The following KDM5B variants were observed in gnomAD, a reference collection of about 807,000 sequenced individuals.
KDM5B encodes the protein lysine-specific demethylase 5B.
A neutral mutation model predicts 193.4 loss-of-function variants in KDM5B; 144 were observed. The observed-to-expected ratio is 0.74, with a 90% CI of 0.65 to 0.86. The LOEUF (loss-of-function observed/expected upper bound fraction) is 0.86, where lower values mean the gene tolerates loss of function less well. Ranked by LOEUF, KDM5B falls within the 40% of genes least tolerant of loss-of-function variation. KDM5B has a pLI of 0.00. For missense variants in KDM5B, 1,833 were observed against 1,886.9 expected (o/e 0.97, Z 0.53); for synonymous variants, 668 against 682.6 (o/e 0.98, Z 0.33).
intron 2 of KDM5B, chr1:202,776,073 T>C (rs929970152): frequency 3.4e-4 from 51 of 150,314 alleles, no homozygotes; most frequent in African/African-American, 1.2e-3. Flanking sequence ...CTACTAAAAA[T>C]ACCAAAATTA....
At chr1:202,741,829 T>A (rs1655355326) in intron 18 of KDM5B, 107 bp from the exon 19 acceptor site, 1 of 655,070 alleles carries the variant, frequency 1.5e-6, no homozygotes, top group African/African-American at 1.8e-5. Context: ...CATTTAATTT[T>A]AGTAATAATA....
intron 1 of KDM5B, among the ~76,000 whole-genome samples, chr1:202,788,265 C>CT (rs1188350946): frequency 2.6e-5 from 4 of 152,132 alleles, no homozygotes; most frequent in Non-Finnish European, 4.4e-5. Context: ...ATCATGTAGA[C>CT]TTTTAATAGT....
chr1:202,741,632 G>C lies in KDM5B; in HGVS notation c.2680C>G (p.Leu894Val), dbSNP rs753621010. The change falls in exon 19 of 27, where the codon CTA becomes GTA. Residue 894 changes from leucine to valine, a missense_variant. Physicochemically the swap from Leu to Val is conservative, Grantham distance 32. Transcript: ENST00000367265. ...TPSAAELQDL[L>V]DVSFEFDVEL... is the part of the protein sequence containing the mutation. ...ACATCAAATTCAAAGCTGACATCTA[G>C]CAAGTCCTGCAGCTCCGCAGCACTA... is the stretch of plus-strand genomic sequence containing the variant. 36 of 1,613,992 alleles carry C rather than the reference G, an allele frequency of 2.2e-5. No individual in the cohort carries two copies. The Admixed American group carries it at 5.3e-4, about 24-fold the overall frequency.
In KDM5B at chr1:202,749,031, C is replaced by G; in HGVS notation, c.1930G>C (p.Asp644His). 1 of 1,614,118 alleles carries G rather than the reference C, an allele frequency of 6.2e-7. No individual in the cohort carries two copies. The highest frequency in any genetic ancestry group is 8.5e-7 in the Non-Finnish European group (1 of 1,179,988). Residue 644 changes from aspartate (D) to histidine (H), a missense_variant, in exon 14 of 27, where the codon GAT becomes CAT. This residue lies in a region of KDM5B where 1,379 missense variants were observed against 1,349.6 expected (regional missense o/e 1.02). Transcript: ENST00000367265. ...TGAACAGTTGAAGCCACTACAACAT[C>G]TAATACATCAGCCTTGGAAGCCATC... ...CKMASKADVL[D>H]VVVASTVQKD...
Position 202,729,885 on chromosome 1 carries a change from A to G in KDM5B, c.4319T>C (p.Leu1440Pro). 1.2e-6 allele frequency: 2 copies of G among 1,614,126 alleles called. No individual in the cohort carries two copies. Among genetic ancestry groups the G allele is most frequent in the Non-Finnish European group, 1.7e-6 (2 of 1,179,998 alleles). Residue 1440 changes from leucine to proline, a missense_variant, in exon 26 of 27, where the codon CTG (leucine) becomes CCG (proline). Physicochemically the swap from Leu to Pro is moderately conservative, Grantham distance 98. Transcript: ENST00000367265. ...ATTGTTCATGTCCTTGGGGTGGCTC[A>G]GTTTGATTTTCTTCTTTTTGGGGGT... The part of the protein sequence containing the change: ...MRTPKKKKIK[L>P]SHPKDMNNFK...
intron 4 of KDM5B, chr1:202,767,464 G>A: frequency 1.8e-6 from 2 of 1,119,626 alleles, no homozygotes; most frequent in South Asian, 1.3e-5. Context: ...ACCGAGGAAG[G>A]ATGAAATGGC....
In KDM5B at chr1:202,728,839, A is replaced by G. The variant is rs1654765190; in HGVS notation, c.*197T>C. 2 of 596,092 alleles carry G rather than the reference A, an allele frequency of 3.4e-6. No homozygotes were observed. Among genetic ancestry groups the G allele is most frequent in the Non-Finnish European group, 5.6e-6 (2 of 359,616 alleles). 36.9% of individuals were successfully genotyped at this position (596,092 alleles called of 1,614,324 possible). On this transcript the variant is annotated 3_prime_UTR_variant, in exon 27 of 27. Transcript: ENST00000367265. ...AAATAGCTCTTAAGGAAAAAATACA[A>G]AAAGTGTCAAAAATTTTTTTAGTTG... is the stretch of plus-strand genomic sequence containing the variant.
intron 1 of KDM5B, among the ~76,000 whole-genome samples, chr1:202,803,334 A>G (rs1658152225): frequency 6.6e-6 from 1 of 152,198 alleles, no homozygotes; most frequent in South Asian, 2.1e-4. Flanking sequence ...TCAAATCTTT[A>G]GCTGACTCAT....
intron 1 of KDM5B, among the ~76,000 whole-genome samples, chr1:202,780,510 T>C (rs1449126937): frequency 6.6e-6 from 1 of 152,118 alleles, no homozygotes; most frequent in East Asian, 1.9e-4. Context: ...AATTTTCTGA[T>C]AGGAATTTAC....
At chr1:202,772,075 T>C (rs761261157) in intron 4 of KDM5B, among the ~76,000 whole-genome samples, 6 of 152,168 alleles carry the variant, frequency 3.9e-5, no homozygotes, top group Non-Finnish European at 8.8e-5. Context: ...TGTGTGTGTA[T>C]AGTATTAGGA....
At position 202,730,787 on chromosome 1, in the gene KDM5B, G is replaced by A. The variant is rs111296606; in HGVS notation, c.4176+122C>T. The A allele has an allele frequency of 1.6e-3, 1,377 of 871,402 alleles. 9 individuals are homozygous for A. The African/African-American group carries it at 0.016, about 10-fold the overall frequency. The allele number at this position is 871,402 out of a possible 1,614,324, so 54.0% of individuals were successfully genotyped here. On this transcript the variant is annotated intron_variant, in intron 25 of 26. Coordinates refer to ENST00000367265, the MANE Select transcript of KDM5B (RefSeq NM_006618.5). ...TTCAACTAAGTCAGCATTCAAAATG[G>A]GTCATCCTCAGTCTAATCGCCCAGT...
chr1:202,739,440 TC>T (rs1558483340), intron 20 of KDM5B, among the ~76,000 whole-genome samples: 2 of 140,390 alleles, frequency 1.4e-5, no homozygotes, highest in African/African-American at 5.0e-5. Context: ...CCAATATTGC[TC>T]TTTTTTTTTT....
At position 202,729,031 on chromosome 1, in the gene KDM5B, T is replaced by A; in HGVS notation, c.*5A>T. 1 of 1,614,056 alleles carries A rather than the reference T, an allele frequency of 6.2e-7. No homozygotes were observed. Among genetic ancestry groups the A allele is most frequent in the East Asian group, 2.2e-5 (1 of 44,888 alleles). On this transcript the variant is annotated 3_prime_UTR_variant, in exon 27 of 27. Transcript: ENST00000367265. ...TTAAGTAGGGGGGTATCTGTTTTTGTGTTTTTACTTTCGGCTTGGTGCGTC... is the reference window on the plus strand; with the variant it reads ...TTAAGTAGGGGGGTATCTGTTTTTGAGTTTTTACTTTCGGCTTGGTGCGTC...
At position 202,740,115 on chromosome 1, in the gene KDM5B, C is replaced by A. The variant is rs920916497; in HGVS notation, c.3084+559G>T. On this transcript the variant is annotated intron_variant, in intron 20 of 26. Transcript: ENST00000367265. ...GGCCGGGCATGGGGCTGACCCCCCCCACCTCCCTCCCGGACGGGGCGGCTG... is the reference window on the plus strand; with the variant it reads ...GGCCGGGCATGGGGCTGACCCCCCCAACCTCCCTCCCGGACGGGGCGGCTG... 4.8e-5 allele frequency among the ~76,000 whole-genome samples: 7 copies of A among 146,102 alleles called. No individual in the cohort carries two copies. The East Asian group carries it at 1.0e-3, about 22-fold the overall frequency.
At position 202,729,727 on chromosome 1, in the gene KDM5B, G is replaced by A. The variant is rs745894771; in HGVS notation, c.4477C>T (p.Leu1493=). Residue 1493 remains leucine (L), a synonymous_variant, in exon 26 of 27, where the codon CTG becomes TTG. Transcript: ENST00000367265. ...CTGACCTCATCTCCTTCTGGCTGCA[G>A]GCAGCTCACAGCTGGGCAGATGGCA... ...EDAICPAVSC[L]QPEGDEVDWV... is the part of the protein sequence containing the mutation. The A allele has an allele frequency of 1.2e-6, 2 of 1,613,566 alleles. No homozygotes were observed. Among genetic ancestry groups the A allele is most frequent in the Non-Finnish European group, 1.7e-6 (2 of 1,179,712 alleles).
At chr1:202,800,246 G>A (rs974416538) in intron 1 of KDM5B, among the ~76,000 whole-genome samples, 1 of 152,100 alleles carries the variant, frequency 6.6e-6, no homozygotes, top group African/African-American at 2.4e-5. Context: ...GTTTCACCAT[G>A]TTGGCCAGGA....
chr1:202,741,748 C>T (rs376660576), intron 18 of KDM5B, 26 bp from the exon 19 acceptor site: 34 of 1,360,440 alleles, frequency 2.5e-5, no homozygotes, highest in Admixed American at 3.8e-5. Context: ...CAGGTTGTTG[C>T]ATTAAAACAG....
At chr1:202,755,136 A>AC (rs1655956028) in intron 11 of KDM5B, 135 bp downstream of exon 11, 4 of 614,860 alleles carry the variant, frequency 6.5e-6, no homozygotes, top group Admixed American at 2.9e-5. Context: ...TGCCTGTTCT[A>AC]ACAGAAGTGA....
chr1:202,789,077 A>G (rs1211177371), intron 1 of KDM5B, among the ~76,000 whole-genome samples: 1 of 152,206 alleles, frequency 6.6e-6, no homozygotes, highest in Non-Finnish European at 1.5e-5. Context: ...TAGATCTGCA[A>G]ACACACGCCT....
Sources: gnomAD v4.1 joint callset for allele counts (sites outside exome capture counted in the v4.1 genomes callset) on GRCh38, gnomAD v4.1.1 for gene constraint, gnomAD v4.1.1 regional missense constraint, MANE v1.5 for transcripts, NCBI Gene and HGNC (gene_info 2026-07-23, HGNC 2026-07-21) for gene names.